The following LINGO2 variants were observed in gnomAD, a reference collection of about 807,000 sequenced individuals.
LINGO2 encodes the protein leucine-rich repeat and immunoglobulin-like domain-containing nogo receptor-interacting protein 2.
LINGO2 carries 14 observed loss-of-function variants against 30.6 expected under a neutral mutation model. That is an observed-to-expected ratio of 0.46 (90% CI 0.30 to 0.72). The LOEUF is 0.72. Among genes scored for constraint, LINGO2 ranks in the 30% least tolerant of loss-of-function variants. The pLI is 0.07. For synonymous variants in LINGO2, 317 were observed against 288.5 expected (o/e 1.10, Z -1.00); for missense variants, 729 against 751.7 (o/e 0.97, Z 0.35).
the LINGO2 span, among the ~76,000 whole-genome samples, chr9:28,821,935 G>A: frequency 2.6e-5 from 4 of 152,022 alleles, no homozygotes; most frequent in South Asian, 6.2e-4. Flanking sequence ...CCTCTCTAAG[G>A]GGTCTTCACT....
At chr9:28,271,337 T>C (rs1428749349) in intron 4 of LINGO2, among the ~76,000 whole-genome samples, 1 of 152,174 alleles carries the variant, frequency 6.6e-6, no homozygotes, top group African/African-American at 2.4e-5. Context: ...TAACATAATT[T>C]AGAAAGACTT....
the LINGO2 span, among the ~76,000 whole-genome samples, chr9:28,696,839 A>C: frequency 1.3e-5 from 2 of 152,012 alleles, no homozygotes; most frequent in South Asian, 2.1e-4. Context: ...AAATGAATTT[A>C]GGTGAGCTAA....
At chr9:28,544,428 G>A (rs951888066) in intron 1 of LINGO2, among the ~76,000 whole-genome samples, 1 of 151,966 alleles carries the variant, frequency 6.6e-6, no homozygotes. Context: ...CCTGGCCTTT[G>A]TAACCCACAC....
At chr9:28,503,853 A>AT (rs1819992080) in intron 1 of LINGO2, among the ~76,000 whole-genome samples, 1 of 151,530 alleles carries the variant, frequency 6.6e-6, no homozygotes, top group African/African-American at 2.4e-5. Flanking sequence ...GAAAAAAGAT[A>AT]CGGGGGGAAA....
At chr9:28,579,763 G>A (rs911870709) in intron 1 of LINGO2, among the ~76,000 whole-genome samples, 1 of 152,000 alleles carries the variant, frequency 6.6e-6, no homozygotes, top group African/African-American at 2.4e-5. Context: ...GAATTATTTG[G>A]ATTCCCTAAT....
At chr9:28,517,047 C>G (rs1294408796) in intron 1 of LINGO2, among the ~76,000 whole-genome samples, 3 of 152,204 alleles carry the variant, frequency 2.0e-5, no homozygotes, top group Non-Finnish European at 4.4e-5. Context: ...GCGAATATCA[C>G]TTAGGCCCTT....
rs186359975 is a variant in LINGO2 at position 28,458,983 on chromosome 9, A to T, written c.-279+16957T>A. On this transcript the variant is annotated intron_variant, in intron 2 of 5. Transcript: ENST00000379992. Reference sequence around the variant, plus strand: ...ATATAGAGCCCAAATGTGAATTATGATTTTGCATTACTAAATTCCAATGCA... The same window carrying T: ...ATATAGAGCCCAAATGTGAATTATGTTTTTGCATTACTAAATTCCAATGCA... 4.1e-3 allele frequency among the ~76,000 whole-genome samples: 627 copies of T among 152,220 alleles called. 4 individuals are homozygous for T. Among genetic ancestry groups the T allele is most frequent in the African/African-American group, 0.015 (606 of 41,524 alleles).
At chr9:28,081,381 C>A (rs1825769265) in intron 4 of LINGO2, among the ~76,000 whole-genome samples, 1 of 151,300 alleles carries the variant, frequency 6.6e-6, no homozygotes, top group Admixed American at 6.6e-5. Flanking sequence ...TTATGATGAA[C>A]CACTTAACAA....
intron 4 of LINGO2, among the ~76,000 whole-genome samples, chr9:28,207,192 T>C (rs1820437672): frequency 6.6e-6 from 1 of 152,130 alleles, no homozygotes; most frequent in Non-Finnish European, 1.5e-5. Flanking sequence ...CTGTAAATAA[T>C]TGCTATTCAA....
At chr9:29,205,434 A>T in the LINGO2 span, among the ~76,000 whole-genome samples, 6 of 152,222 alleles carry the variant, frequency 3.9e-5, no homozygotes, top group Admixed American at 3.3e-4. Context: ...TAACTTGTTC[A>T]TGATGTATTA....
At chr9:29,132,026 G>C in the LINGO2 span, among the ~76,000 whole-genome samples, 1 of 151,618 alleles carries the variant, frequency 6.6e-6, no homozygotes, top group Admixed American at 6.6e-5. Context: ...TTCCAGCCAG[G>C]TCCAGGTGAA....
At chr9:28,902,921 A>C in the LINGO2 span, among the ~76,000 whole-genome samples, 3 of 151,952 alleles carry the variant, frequency 2.0e-5, no homozygotes, top group Non-Finnish European at 2.9e-5. Context: ...TACATAAAAA[A>C]TAAGAAATAT....
At chr9:28,207,325 A>T (rs1820442593) in intron 4 of LINGO2, among the ~76,000 whole-genome samples, 1 of 152,122 alleles carries the variant, frequency 6.6e-6, no homozygotes, top group Admixed American at 6.6e-5. Flanking sequence ...AGGCTGTTTA[A>T]TATCATTTAG....
At chr9:28,658,234 T>C (rs1356423145) in intron 1 of LINGO2, among the ~76,000 whole-genome samples, 1 of 152,072 alleles carries the variant, frequency 6.6e-6, no homozygotes, top group Non-Finnish European at 1.5e-5. Context: ...TGTTGGGCAG[T>C]GTTCTATATA....
chr9:28,206,873 C>A (rs2133841952), intron 4 of LINGO2, among the ~76,000 whole-genome samples: 1 of 152,232 alleles, frequency 6.6e-6, no homozygotes, highest in East Asian at 1.9e-4. Context: ...AGTTATCATA[C>A]AAACCCTACT....
chr9:28,844,200 A>G, the LINGO2 span, among the ~76,000 whole-genome samples: 1 of 151,680 alleles, frequency 6.6e-6, no homozygotes, highest in East Asian at 1.9e-4. Flanking sequence ...CATCTCTACT[A>G]AAAATACAAA....
intron 3 of LINGO2, among the ~76,000 whole-genome samples, chr9:28,351,131 G>A (rs867888465): frequency 0.013 from 2,024 of 151,148 alleles, 36 homozygotes; most frequent in African/African-American, 0.047. Flanking sequence ...CTAGCAGAAG[G>A]CAAGAAATAA....
chr9:28,767,919 G>A, the LINGO2 span, among the ~76,000 whole-genome samples: 1 of 151,648 alleles, frequency 6.6e-6, no homozygotes. Context: ...ATTTTTCACA[G>A]TCTGGATGGT....
At chr9:28,758,610 C>T in the LINGO2 span, among the ~76,000 whole-genome samples, 4 of 152,054 alleles carry the variant, frequency 2.6e-5, no homozygotes, top group Non-Finnish European at 5.9e-5. Flanking sequence ...ACATATTCTT[C>T]TGTTAATATC....
Sources: gnomAD v4.1 joint callset for allele counts (sites outside exome capture counted in the v4.1 genomes callset) on GRCh38, gnomAD v4.1.1 for gene constraint, MANE v1.5 for transcripts, NCBI Gene and HGNC (gene_info 2026-07-23, HGNC 2026-07-21) for gene names.